Variants in ATL2 observed in about 807,000 individuals in gnomAD.
ATL2 encodes the protein atlastin GTPase 2.
A neutral mutation model predicts 73.9 loss-of-function variants in ATL2; 31 were observed. The observed-to-expected ratio is 0.42, with a 90% CI of 0.32 to 0.57. ATL2 has a LOEUF of 0.57. Among genes scored for constraint, ATL2 ranks in the 20% least tolerant of loss-of-function variants. The probability of loss-of-function intolerance (pLI) is 0.14; values close to 1 mark genes in which losing one functional copy is unlikely to be tolerated. For synonymous variants in ATL2, 291 were observed against 237.5 expected (o/e 1.23, Z -2.07); for missense variants, 738 against 702.6 (o/e 1.05, Z -0.57).
chr2:38,339,714 G>C (rs1375834627), intron 2 of ATL2, among the ~76,000 whole-genome samples: 1 of 152,046 alleles, frequency 6.6e-6, no homozygotes, highest in Non-Finnish European at 1.5e-5. Context: ...TTTTGAGACA[G>C]AGTTTTTCTC....
intron 1 of ATL2, among the ~76,000 whole-genome samples, chr2:38,347,134 A>G (rs759693287): frequency 6.6e-6 from 1 of 152,180 alleles, no homozygotes; most frequent in African/African-American, 2.4e-5. Context: ...TTAGTTTCCC[A>G]TCATAAGCAG....
chr2:38,366,650 A>G (rs1671347988), intron 1 of ATL2, among the ~76,000 whole-genome samples: 5 of 152,178 alleles, frequency 3.3e-5, no homozygotes, highest in Admixed American at 6.5e-5. Context: ...GGCAATTTCT[A>G]CTTCAGAACA....
intron 1 of ATL2, among the ~76,000 whole-genome samples, chr2:38,370,886 A>G (rs1671651226): frequency 6.6e-6 from 1 of 152,020 alleles, no homozygotes; most frequent in Non-Finnish European, 1.5e-5. Flanking sequence ...GCACCCCAGA[A>G]GTTCAAGGTT....
At chr2:38,301,224 C>T (rs1014534679) in intron 9 of ATL2, among the ~76,000 whole-genome samples, 34 of 152,170 alleles carry the variant, frequency 2.2e-4, no homozygotes, top group African/African-American at 6.3e-4. Flanking sequence ...CCCACTTTAG[C>T]CTCCCAAAGT....
At chr2:38,365,374 G>T (rs1671260881) in intron 1 of ATL2, among the ~76,000 whole-genome samples, 1 of 152,040 alleles carries the variant, frequency 6.6e-6, no homozygotes, top group Non-Finnish European at 1.5e-5. Context: ...AAAAGAGAAG[G>T]CCGGGCACAG....
At chr2:38,359,645 T>A (rs1020471959) in intron 1 of ATL2, 1 of 152,194 alleles carries the variant, frequency 6.6e-6, no homozygotes, top group South Asian at 2.1e-4. Context: ...TGTCACAGAA[T>A]TTTTGCTGTT....
intron 10 of ATL2, among the ~76,000 whole-genome samples, chr2:38,300,063 G>T (rs1667102603): frequency 6.6e-6 from 1 of 152,014 alleles, no homozygotes; most frequent in South Asian, 2.1e-4. Flanking sequence ...ATTTCTGGTG[G>T]CCTGGACACA....
Position 38,318,634 on chromosome 2 carries a change from A to C in ATL2, c.504T>G (p.Ala168=), listed in dbSNP as rs1202790694. 1 of 1,596,106 alleles carries C rather than the reference A, an allele frequency of 6.3e-7. No individual in the cohort carries two copies. Among genetic ancestry groups the C allele is most frequent in the South Asian group, 1.1e-5 (1 of 87,380 alleles). ...CACCCTGGGTATCCATAAGCAGCAC[A>C]GCAACCTAGGAATTTGAGAGTTTAA... is the stretch of plus-strand genomic sequence containing the variant. ...VIDRPNGTKV[A]VLLMDTQGAF... is the part of the protein sequence containing the mutation. The change falls in exon 4 of 13, where the codon GCT becomes GCG. Residue 168 remains alanine (A), a synonymous_variant. Transcript: ENST00000378954.
intron 12 of ATL2, among the ~76,000 whole-genome samples, chr2:38,297,049 G>C (rs1666934243): frequency 6.6e-6 from 1 of 152,154 alleles, no homozygotes; most frequent in South Asian, 2.1e-4. Context: ...CAAGTAGTGA[G>C]ATTGAGATAA....
chr2:38,328,104 C>T (rs1668771813), intron 2 of ATL2, among the ~76,000 whole-genome samples: 1 of 152,146 alleles, frequency 6.6e-6, no homozygotes, highest in Non-Finnish European at 1.5e-5. Context: ...ATGTTAATTA[C>T]AGACAAAGCA....
chr2:38,362,850 T>G (rs1043894042), intron 1 of ATL2, among the ~76,000 whole-genome samples: 1 of 151,834 alleles, frequency 6.6e-6, no homozygotes, highest in South Asian at 2.1e-4. Context: ...GAGGCAGGAG[T>G]TGTCATTGAA....
intron 2 of ATL2, among the ~76,000 whole-genome samples, chr2:38,340,010 A>C (rs1669612618): frequency 1.3e-5 from 2 of 152,146 alleles, no homozygotes; most frequent in Admixed American, 1.3e-4. Context: ...TAGAATATTA[A>C]AGCAACAAAA....
At position 38,350,995 on chromosome 2, in the gene ATL2, T is replaced by C. The variant is rs142702111; in HGVS notation, c.119-7483A>G. ...ATAAAATGTAGCATTAATGTTAGATTACATCAACCCAAAACTAAACTTATA... is the reference window on the plus strand; with the variant it reads ...ATAAAATGTAGCATTAATGTTAGATCACATCAACCCAAAACTAAACTTATA... On this transcript the variant is annotated intron_variant, in intron 1 of 12. Transcript: ENST00000378954. 5.7e-3 allele frequency among the ~76,000 whole-genome samples: 869 copies of C among 152,324 alleles called. 8 individuals are homozygous for C. The highest frequency in any genetic ancestry group is 0.019 in the African/African-American group (789 of 41,570).
At chr2:38,357,817 A>C (rs1003590573) in intron 1 of ATL2, among the ~76,000 whole-genome samples, 2 of 152,184 alleles carry the variant, frequency 1.3e-5, no homozygotes, top group Non-Finnish European at 2.9e-5. Flanking sequence ...ATATGCTTAA[A>C]AATTAGCCTC....
chr2:38,344,197 C>A, intron 1 of ATL2, among the ~76,000 whole-genome samples: 1 of 145,932 alleles, frequency 6.9e-6, no homozygotes, highest in East Asian at 1.9e-4. Flanking sequence ...ACTGTATGCA[C>A]ACATAAACTA....
chr2:38,295,930 TG>T lies in ATL2; in HGVS notation c.*63del. ...TTGTAAACTTTGGTTTATTTTTATT[TG>T]AGTTCTCATTGTACAGCAAGCATGA... On this transcript the variant is annotated 3_prime_UTR_variant, in exon 13 of 13. Coordinates refer to ENST00000378954, the MANE Select transcript of ATL2 (RefSeq NM_001135673.4). 1 of 1,349,938 alleles carries T rather than the reference TG, an allele frequency of 7.4e-7. No individual in the cohort carries two copies. Among genetic ancestry groups the T allele is most frequent in the Non-Finnish European group, 1.0e-6 (1 of 985,696 alleles). 83.6% of individuals were successfully genotyped at this position (1,349,938 alleles called of 1,614,324 possible). A position where few individuals can be genotyped will look rare whatever the true frequency, so the allele number is the denominator to read the frequency against.
Position 38,377,149 on chromosome 2 carries a change from A to T in ATL2, c.112T>A (p.Ser38Thr). ...AAVNHVSSTT[S>T]LGENYEDDDL... ...CTGCCTCGCTGGCCCGTACCTAGGG[A>T]GGTCGTGGACGAGACGTGGTTAACC... Residue 38 changes from serine (S) to threonine (T), a missense_variant, in exon 1 of 13, where the codon TCC becomes ACC. Transcript: ENST00000378954. 6.2e-7 allele frequency: 1 copy of T among 1,610,242 alleles called. No individual in the cohort carries two copies. Among genetic ancestry groups the T allele is most frequent in the Non-Finnish European group, 8.5e-7 (1 of 1,179,270 alleles).
At chr2:38,306,841 C>T (rs1667473093) in intron 9 of ATL2, among the ~76,000 whole-genome samples, 1 of 152,030 alleles carries the variant, frequency 6.6e-6, no homozygotes, top group East Asian at 1.9e-4. Context: ...TGAAACAAAA[C>T]AAGGATACCC....
At chr2:38,331,497 C>G (rs1292914034) in intron 2 of ATL2, among the ~76,000 whole-genome samples, 3 of 146,118 alleles carry the variant, frequency 2.1e-5, no homozygotes, top group African/African-American at 5.1e-5. Flanking sequence ...GTAGTCCCAG[C>G]TACTTGGAAG....
Sources: gnomAD v4.1 joint callset for allele counts (sites outside exome capture counted in the v4.1 genomes callset) on GRCh38, gnomAD v4.1.1 for gene constraint, MANE v1.5 for transcripts, NCBI Gene and HGNC (gene_info 2026-07-23, HGNC 2026-07-21) for gene names.